SLIT3: variants seen among roughly 807,000 people sequenced by gnomAD.
SLIT3 encodes slit guidance ligand 3.
A neutral mutation model predicts 184.0 loss-of-function variants in SLIT3; 68 were observed. The observed-to-expected ratio is 0.37, with a 90% CI of 0.30 to 0.45. The LOEUF is 0.45. Among genes scored for constraint, SLIT3 ranks in the 20% least tolerant of loss-of-function variants. The probability of loss-of-function intolerance (pLI) is 1.00; values close to 1 mark genes in which losing one functional copy is unlikely to be tolerated. For missense variants in SLIT3, 1,707 were observed against 2,026.0 expected, an observed-to-expected ratio of 0.84 and a Z score of 3.02; for synonymous variants, 831 against 828.6, an observed-to-expected ratio of 1.00 and a Z score of -0.05.
chr5:169,224,468 AG>A (rs1172774501), intron 3 of SLIT3, among the ~76,000 whole-genome samples: 1 of 151,678 alleles, frequency 6.6e-6, no homozygotes, highest in African/African-American at 2.4e-5. Flanking sequence ...CCTGGAGTCA[AG>A]TGATCCTCCC....
intron 11 of SLIT3, among the ~76,000 whole-genome samples, chr5:168,786,482 G>A (rs546427262): frequency 6.6e-6 from 1 of 152,290 alleles, no homozygotes; most frequent in Non-Finnish European, 1.5e-5. Flanking sequence ...TCTCCAGATG[G>A]TGCAGGGACT....
chr5:169,011,720 T>C (rs1756162022), intron 4 of SLIT3, among the ~76,000 whole-genome samples: 1 of 152,218 alleles, frequency 6.6e-6, no homozygotes. Context: ...GGGAAAACAC[T>C]CAACCACACT....
At chr5:169,267,447 C>A (rs889819951) in intron 1 of SLIT3, among the ~76,000 whole-genome samples, 4 of 152,324 alleles carry the variant, frequency 2.6e-5, no homozygotes, top group African/African-American at 9.6e-5. Context: ...AGGCACAAAT[C>A]AATATCTGTT....
At chr5:169,133,640 T>C (rs1026726774) in intron 4 of SLIT3, among the ~76,000 whole-genome samples, 1 of 152,194 alleles carries the variant, frequency 6.6e-6, no homozygotes, top group Non-Finnish European at 1.5e-5. Flanking sequence ...AGGGTGAGAA[T>C]GACATCTGTG....
intron 4 of SLIT3, among the ~76,000 whole-genome samples, chr5:168,967,470 C>T (rs1475208234): frequency 2.5e-3 from 13 of 5,168 alleles, no homozygotes; most frequent in African/African-American, 5.0e-3. Context: ...GACGGAGTCT[C>T]GCTCTGTCGC....
intron 4 of SLIT3, among the ~76,000 whole-genome samples, chr5:169,176,004 C>G (rs17637323): frequency 0.21 from 31,634 of 152,180 alleles, 4,415 homozygotes; most frequent in Middle Eastern, 0.36. Flanking sequence ...TCTTTATCAC[C>G]CAGGGTTTCT....
chr5:168,976,749 A>G (rs1032965646), intron 4 of SLIT3, among the ~76,000 whole-genome samples: 1 of 152,176 alleles, frequency 6.6e-6, no homozygotes, highest in African/African-American at 2.4e-5. Context: ...TCACAGTAAC[A>G]CCAGTTCCAG....
intron 3 of SLIT3, among the ~76,000 whole-genome samples, chr5:169,237,093 G>A (rs1433676020): frequency 6.6e-6 from 1 of 152,108 alleles, no homozygotes; most frequent in Non-Finnish European, 1.5e-5. Flanking sequence ...CAGTTCTTCT[G>A]TGCAGTTCCT....
At chr5:169,060,056 C>T (rs1000416768) in intron 4 of SLIT3, among the ~76,000 whole-genome samples, 1 of 152,216 alleles carries the variant, frequency 6.6e-6, no homozygotes, top group African/African-American at 2.4e-5. Flanking sequence ...CAGAACCTGA[C>T]CACACTGGCA....
chr5:168,683,684 C>T (rs981071058), intron 32 of SLIT3, among the ~76,000 whole-genome samples: 8 of 152,212 alleles, frequency 5.3e-5, no homozygotes, highest in African/African-American at 1.4e-4. Flanking sequence ...CCCACTGCAG[C>T]GCGCACTCCC....
chr5:168,796,854 A>ATG (rs1756580204), intron 9 of SLIT3, among the ~76,000 whole-genome samples: 1 of 152,164 alleles, frequency 6.6e-6, no homozygotes, highest in African/African-American at 2.4e-5. Context: ...TCAGCTGCTA[A>ATG]TGTGGAATGG....
intron 5 of SLIT3, among the ~76,000 whole-genome samples, chr5:168,873,235 T>G (rs1759601970): frequency 6.6e-6 from 1 of 152,172 alleles, no homozygotes; most frequent in Non-Finnish European, 1.5e-5. Context: ...CTTGTGGCCT[T>G]GGGAGAGTTT....
At chr5:169,100,072 C>T (rs1581409447) in intron 4 of SLIT3, among the ~76,000 whole-genome samples, 1 of 152,340 alleles carries the variant, frequency 6.6e-6, no homozygotes, top group East Asian at 1.9e-4. Flanking sequence ...TGCCAAGCCT[C>T]TCTCTGGCAC....
chr5:168,969,672 C>T (rs960278209), intron 4 of SLIT3, among the ~76,000 whole-genome samples: 3 of 152,142 alleles, frequency 2.0e-5, no homozygotes, highest in African/African-American at 4.8e-5. Flanking sequence ...GAGCTGACAG[C>T]TTGATAAATG....
intron 2 of SLIT3, 69 bp from the exon 3 acceptor site, chr5:169,244,845 G>T (rs572103406): frequency 1.5e-6 from 2 of 1,331,960 alleles, no homozygotes; most frequent in South Asian, 1.2e-5. Flanking sequence ...TAGGCTTCAT[G>T]CCATGCAGGC....
intron 6 of SLIT3, among the ~76,000 whole-genome samples, chr5:168,828,666 A>AAAAAAAAAAAAAAG (rs1454648453): frequency 6.6e-6 from 1 of 150,426 alleles, no homozygotes; most frequent in East Asian, 2.0e-4. Context: ...CTCAAAAAAA[A>AAAAAAAAAAAAAAG]AAAAGAAAAA....
intron 6 of SLIT3, among the ~76,000 whole-genome samples, chr5:168,840,079 A>G (rs1758190957): frequency 6.6e-6 from 1 of 152,224 alleles, no homozygotes; most frequent in South Asian, 2.1e-4. Flanking sequence ...ATGTCAGTGA[A>G]TTTCCAAAAT....
At chr5:169,092,235 T>A (rs1268286453) in intron 4 of SLIT3, among the ~76,000 whole-genome samples, 1 of 151,934 alleles carries the variant, frequency 6.6e-6, no homozygotes, top group African/African-American at 2.4e-5. Context: ...AAAAAAAGAC[T>A]CAGAGGTAGG....
chr5:168,849,396 G>A (rs540647696), intron 5 of SLIT3, among the ~76,000 whole-genome samples: 2 of 152,314 alleles, frequency 1.3e-5, no homozygotes, highest in South Asian at 4.1e-4. Context: ...AGTAGCTAAG[G>A]CTCAGCACCC....
Sources: allele counts gnomAD v4.1 joint callset (sites outside exome capture counted in the v4.1 genomes callset), GRCh38; gene constraint gnomAD v4.1.1; transcripts MANE v1.5; gene names NCBI Gene and HGNC (gene_info 2026-07-23, HGNC 2026-07-21).